MYH16: variants seen among roughly 807,000 people sequenced by gnomAD.
MYH16 encodes the protein putative uncharacterized protein MYH16.
chr7:99,283,662 T>C lies in MYH16; in HGVS notation n.3079+11T>C, dbSNP rs1393888279. On this transcript the variant is annotated intron_variant and non_coding_transcript_variant, in intron 24 of 41. Coordinates refer to ENST00000439784, the Ensembl canonical transcript of MYH16. ...ACGCAGATCCATGAGGTAATACCCA[T>C]TGCTGTGGCCACCTCTACAACTCCA... The C allele has an allele frequency of 2.2e-6, 1 of 456,464 alleles. No homozygotes were observed. Among genetic ancestry groups the C allele is most frequent in the African/African-American group, 2.0e-5 (1 of 50,062 alleles). The allele number at this position is 456,464 out of a possible 1,614,324, so 28.3% of individuals were successfully genotyped here.
chr7:99,244,691 C>T (rs1023957533), intron 2 of MYH16, among the ~76,000 whole-genome samples: 1 of 152,212 alleles, frequency 6.6e-6, no homozygotes, highest in Non-Finnish European at 1.5e-5. Flanking sequence ...TCTCTGAAAT[C>T]TCTTGAAGAT....
chr7:99,281,687 G>C lies in MYH16; in HGVS notation n.2992+707G>C, dbSNP rs969768279. Among the ~76,000 whole-genome samples the C allele has an allele frequency of 2.6e-5, 4 of 152,284 alleles. No individual in the cohort carries two copies. In the East Asian group the frequency reaches 5.8e-4, roughly 22 times the overall value. On this transcript the variant is annotated intron_variant and non_coding_transcript_variant, in intron 23 of 41. Coordinates refer to ENST00000439784, the Ensembl canonical transcript of MYH16. ...CTGTCCCGTGAGCTCAAAAGCCCCA[G>C]CAAAGCCTAAGACACTGTGGCAACA...
chr7:99,245,317 G>A (rs1293570188), intron 2 of MYH16, among the ~76,000 whole-genome samples: 1 of 152,180 alleles, frequency 6.6e-6, no homozygotes, highest in East Asian at 1.9e-4. Context: ...GCAGGGACAG[G>A]GGTGGATAGG....
intron 20 of MYH16, among the ~76,000 whole-genome samples, chr7:99,274,202 C>G (rs1792081766): frequency 1.3e-5 from 2 of 152,204 alleles, no homozygotes; most frequent in African/African-American, 4.8e-5. Context: ...CCACAGAGGT[C>G]CCAAGCAGCC....
chr7:99,271,661 T>C (rs1376632953), intron 19 of MYH16, among the ~76,000 whole-genome samples: 1 of 152,252 alleles, frequency 6.6e-6, no homozygotes, highest in Non-Finnish European at 1.5e-5. Context: ...GATACATTCA[T>C]ATAATAAAAT....
intron 11 of MYH16, among the ~76,000 whole-genome samples, chr7:99,259,517 G>A (rs1406966783): frequency 1.3e-5 from 2 of 151,808 alleles, no homozygotes; most frequent in Non-Finnish European, 2.9e-5. Flanking sequence ...GGAGTACAAT[G>A]GTGCCATCTC....
chr7:99,294,711 CCCA>C (rs138431659), intron 33 of MYH16, among the ~76,000 whole-genome samples: 13,177 of 151,436 alleles, frequency 0.087, 1,592 homozygotes, highest in African/African-American at 0.27. Context: ...GATTACAGTG[CCCA>C]CCACCACGCC....
At chr7:99,249,576 T>TG in intron 4 of MYH16, among the ~76,000 whole-genome samples, 1 of 138,710 alleles carries the variant, frequency 7.2e-6, no homozygotes, top group East Asian at 2.1e-4. Flanking sequence ...AGTGCTGTTT[T>TG]TTTTTTTTTT....
chr7:99,302,727 A>G (rs535569663), intron 38 of MYH16, among the ~76,000 whole-genome samples: 4 of 151,822 alleles, frequency 2.6e-5, no homozygotes, highest in Non-Finnish European at 4.4e-5. Context: ...AAAACATATG[A>G]AAAATTAGTT....
At chr7:99,258,473 A>G (rs1298643851) in intron 11 of MYH16, 2 of 152,604 alleles carry the variant, frequency 1.3e-5, no homozygotes, top group Admixed American at 6.5e-5. Flanking sequence ...TATAAGTTAT[A>G]AAGTTCTCTT....
chr7:99,262,058 A>G (rs1791943075), intron 13 of MYH16: 1 of 152,236 alleles, frequency 6.6e-6, no homozygotes, highest in Admixed American at 6.5e-5. Flanking sequence ...CAACAAGGTG[A>G]CATATATAAA....
intron 20 of MYH16, 29 bp downstream of exon 2, chr7:99,273,452 G>T (rs191470737): frequency 1.1e-5 from 5 of 456,534 alleles, no homozygotes; most frequent in East Asian, 6.9e-5. Flanking sequence ...GGCCAGGGGG[G>T]ACTGCTGCTG....
At chr7:99,260,055 G>A in intron 11 of MYH16, 2 of 856,084 alleles carry the variant, frequency 2.3e-6, no homozygotes, top group East Asian at 3.1e-5. Context: ...CCTGACACTA[G>A]TGGGCCCTCT....
At chr7:99,260,387 C>A in intron 12 of MYH16, 1 of 766,076 alleles carries the variant, frequency 1.3e-6, no homozygotes, top group Non-Finnish European at 2.2e-6. Context: ...CAAGGGATGT[C>A]ACTGGCACAT....
chr7:99,296,941 G>A (rs1792508023), intron 34 of MYH16, 24 bp downstream of exon 15: 1 of 455,598 alleles, frequency 2.2e-6, no homozygotes, highest in African/African-American at 2.0e-5. Context: ...CAGGTGGATG[G>A]GATGGGCCTG....
chr7:99,242,443 A>G (rs1223911891), intron 1 of MYH16, among the ~76,000 whole-genome samples: 2 of 151,938 alleles, frequency 1.3e-5, no homozygotes, highest in African/African-American at 4.8e-5. Context: ...CAAGACCAGC[A>G]TAGGCAACAT....
intron 20 of MYH16, among the ~76,000 whole-genome samples, chr7:99,274,979 G>A (rs1178679542): frequency 6.6e-6 from 1 of 150,480 alleles, no homozygotes; most frequent in Non-Finnish European, 1.5e-5. Context: ...ACCTGGCCTC[G>A]CTTTTTTATT....
intron 38 of MYH16, among the ~76,000 whole-genome samples, chr7:99,302,363 C>CACACAT (rs1695637476): frequency 6.9e-6 from 1 of 144,066 alleles, no homozygotes; most frequent in Non-Finnish European, 1.5e-5. Flanking sequence ...CACACACACA[C>CACACAT]ATCCCAACCT....
intron 1 of MYH16, among the ~76,000 whole-genome samples, chr7:99,240,205 G>A (rs1317028472): frequency 6.6e-6 from 1 of 151,996 alleles, no homozygotes; most frequent in African/African-American, 2.4e-5. Flanking sequence ...GAAAACTGAG[G>A]ATCAAGGGCA....
Sources: allele counts gnomAD v4.1 joint callset (sites outside exome capture counted in the v4.1 genomes callset), GRCh38; gene constraint gnomAD v4.1.1; transcripts MANE v1.5; gene names NCBI Gene and HGNC (gene_info 2026-07-23, HGNC 2026-07-21).